The following AKAP13 variants were observed in gnomAD, a reference collection of about 807,000 sequenced individuals.
AKAP13 encodes A-kinase anchoring protein 13, also known as A-kinase anchor protein 13.
Under a neutral mutation model 264.5 loss-of-function variants are expected in AKAP13, and 80 were observed. The observed-to-expected ratio is 0.30, with a 90% CI of 0.25 to 0.36. The LOEUF (loss-of-function observed/expected upper bound fraction) is 0.36. Among genes scored for constraint, AKAP13 ranks in the 10% least tolerant of loss-of-function variants. AKAP13 has a pLI of 1.00. For missense variants in AKAP13, 3,712 were observed against 3,435.2 expected, an observed-to-expected ratio of 1.08 and a Z score of -2.01; for synonymous variants, 1,380 against 1,250.2, an observed-to-expected ratio of 1.10 and a Z score of -2.19.
intron 1 of AKAP13, among the ~76,000 whole-genome samples, chr15:85,434,703 A>AGG (rs922898753): frequency 4.5e-4 from 68 of 152,192 alleles, no homozygotes; most frequent in Non-Finnish European, 8.8e-4. Context: ...ACCCCCCAGC[A>AGG]GGGGCACACT....
intron 26 of AKAP13, among the ~76,000 whole-genome samples, chr15:85,725,861 G>A (rs2087587772): frequency 6.6e-6 from 1 of 152,184 alleles, no homozygotes; most frequent in Non-Finnish European, 1.5e-5. Context: ...CTGTAAGACT[G>A]GAAGGCGCCT....
intron 8 of AKAP13, among the ~76,000 whole-genome samples, chr15:85,630,166 T>TACAC (rs59852934): frequency 0.044 from 4,414 of 100,034 alleles, 139 homozygotes; most frequent in Non-Finnish European, 0.049. Flanking sequence ...TTTTAACACA[T>TACAC]ACACACACAC....
intron 1 of AKAP13, among the ~76,000 whole-genome samples, chr15:85,406,454 AC>A (rs1470051914): frequency 5.3e-5 from 8 of 151,112 alleles, no homozygotes; most frequent in Admixed American, 6.6e-5. Context: ...GATGGGAAAA[AC>A]AGTACCTATT....
At chr15:85,413,931 A>C (rs2072105820) in intron 1 of AKAP13, among the ~76,000 whole-genome samples, 1 of 152,158 alleles carries the variant, frequency 6.6e-6, no homozygotes, top group Admixed American at 6.5e-5. Flanking sequence ...CCTCTATTAA[A>C]GAATATATGT....
chr15:85,464,715 C>T (rs114572253), intron 1 of AKAP13, among the ~76,000 whole-genome samples: 246 of 152,308 alleles, frequency 1.6e-3, no homozygotes, highest in African/African-American at 5.4e-3. Context: ...AATTTAACCT[C>T]AGGCAGTCTG....
chr15:85,642,116 C>A (rs1026419687), intron 9 of AKAP13, among the ~76,000 whole-genome samples: 2 of 152,198 alleles, frequency 1.3e-5, no homozygotes, highest in African/African-American at 2.4e-5. Context: ...TGGATACTTA[C>A]TGAATCATAC....
chr15:85,658,419 C>T lies in AKAP13; in HGVS notation c.4746-118C>T. On this transcript the variant is annotated intron_variant, in intron 11 of 36. Transcript: ENST00000394518. The stretch of plus-strand genomic sequence containing the variant: ...ATTCCACATTCCTTCATTCTCTTGC[C>T]TGTGCCATTTCTCTTTGAGCAGTGT... 7 of 782,882 alleles carry T rather than the reference C, an allele frequency of 8.9e-6. No individual in the cohort carries two copies. The South Asian group carries it at 1.0e-4, about 11-fold the overall frequency. The allele number at this position is 782,882 out of a possible 1,614,324, so 48.5% of individuals were successfully genotyped here. A position where few individuals can be genotyped will look rare whatever the true frequency, so the allele number is the denominator to read the frequency against.
intron 13 of AKAP13, among the ~76,000 whole-genome samples, chr15:85,667,273 A>G (rs1164480389): frequency 6.6e-6 from 1 of 152,244 alleles, no homozygotes; most frequent in African/African-American, 2.4e-5. Flanking sequence ...GTGTGAGACC[A>G]GACAAATAAA....
intron 12 of AKAP13, among the ~76,000 whole-genome samples, chr15:85,664,275 G>A (rs1269801381): frequency 6.6e-6 from 1 of 152,184 alleles, no homozygotes; most frequent in Non-Finnish European, 1.5e-5. Flanking sequence ...ACTATGGTCT[G>A]TCCATATAGT....
intron 33 of AKAP13, 71 bp downstream of exon 33, chr15:85,736,205 TC>T: frequency 7.3e-7 from 1 of 1,363,180 alleles, no homozygotes; most frequent in Non-Finnish European, 1.0e-6. Context: ...TATTGTTTTT[TC>T]CTTTTTTTTT....
At chr15:85,447,149 C>A (rs1259500023) in intron 1 of AKAP13, among the ~76,000 whole-genome samples, 1 of 152,058 alleles carries the variant, frequency 6.6e-6, no homozygotes, top group Admixed American at 6.6e-5. Context: ...CACCTGTAAT[C>A]CCAGCTACTT....
intron 17 of AKAP13, among the ~76,000 whole-genome samples, chr15:85,699,162 T>A: frequency 6.6e-6 from 1 of 151,312 alleles, no homozygotes; most frequent in East Asian, 2.0e-4. Context: ...TACAAAAATA[T>A]GCCAGGGATG....
At chr15:85,472,915 CT>C (rs1217172002) in intron 1 of AKAP13, among the ~76,000 whole-genome samples, 3 of 152,146 alleles carry the variant, frequency 2.0e-5, no homozygotes, top group African/African-American at 7.2e-5. Flanking sequence ...GTATGTGACA[CT>C]TTAAATATTT....
At chr15:85,609,733 G>C (rs934805501) in intron 8 of AKAP13, among the ~76,000 whole-genome samples, 1 of 152,164 alleles carries the variant, frequency 6.6e-6, no homozygotes, top group Non-Finnish European at 1.5e-5. Context: ...TGAATCTGAT[G>C]CATGTAACCA....
chr15:85,702,572 G>A (rs1215037540), intron 17 of AKAP13: 2 of 152,184 alleles, frequency 1.3e-5, no homozygotes, highest in African/African-American at 4.8e-5. Context: ...GGAGACAGTG[G>A]CTTCCCATTG....
intron 1 of AKAP13, among the ~76,000 whole-genome samples, chr15:85,458,869 G>A (rs916474425): frequency 1.3e-5 from 2 of 152,126 alleles, no homozygotes; most frequent in Non-Finnish European, 2.9e-5. Flanking sequence ...CCTCCTTAAT[G>A]GCTTCTATCA....
chr15:85,706,533 A>T (rs1329579560), intron 17 of AKAP13, among the ~76,000 whole-genome samples: 1 of 152,214 alleles, frequency 6.6e-6, no homozygotes, highest in Non-Finnish European at 1.5e-5. Context: ...TAGTACATAC[A>T]TACATGCAGA....
chr15:85,696,142 GGTTA>G (rs1367988808), intron 17 of AKAP13, among the ~76,000 whole-genome samples: 1 of 152,052 alleles, frequency 6.6e-6, no homozygotes, highest in African/African-American at 2.4e-5. Context: ...CTTGTTTTCT[GGTTA>G]GTTATTAGTA....
At chr15:85,611,270 C>T (rs912874765) in intron 8 of AKAP13, among the ~76,000 whole-genome samples, 1 of 152,172 alleles carries the variant, frequency 6.6e-6, no homozygotes, top group Non-Finnish European at 1.5e-5. Flanking sequence ...GAGTTCCAGT[C>T]ACACACTTTC....
Sources: gnomAD v4.1 joint callset for allele counts (sites outside exome capture counted in the v4.1 genomes callset) on GRCh38, gnomAD v4.1.1 for gene constraint, MANE v1.5 for transcripts, NCBI Gene and HGNC (gene_info 2026-07-23, HGNC 2026-07-21) for gene names.